The following EPHA6 variants were observed in gnomAD, a reference collection of about 807,000 sequenced individuals.
EPHA6 encodes EPH receptor A6.
A neutral mutation model predicts 112.0 loss-of-function variants in EPHA6; 50 were observed. The ratio of observed to expected loss-of-function variants is 0.45; its 90% CI spans 0.36 to 0.56. The LOEUF is 0.56. Among genes scored for constraint, EPHA6 ranks in the 20% least tolerant of loss-of-function variants. EPHA6 has a pLI of 0.00. For missense variants in EPHA6, 1,280 were observed against 1,417.4 expected (o/e 0.90, Z 1.56); for synonymous variants, 529 against 490.7 (o/e 1.08, Z -1.03).
At chr3:96,859,982 C>T (rs1052145227) in intron 1 of EPHA6, among the ~76,000 whole-genome samples, 5 of 152,062 alleles carry the variant, frequency 3.3e-5, no homozygotes, top group Non-Finnish European at 7.4e-5. Flanking sequence ...TGAGTTGACA[C>T]AAAAATCCTA....
intron 2 of EPHA6, among the ~76,000 whole-genome samples, chr3:96,977,471 A>G (rs2042579407): frequency 6.6e-6 from 1 of 152,158 alleles, no homozygotes; most frequent in African/African-American, 2.4e-5. Context: ...CCAATATGCA[A>G]TATATTAGTG....
At chr3:97,364,265 G>A (rs1396367200) in intron 5 of EPHA6, among the ~76,000 whole-genome samples, 2 of 151,674 alleles carry the variant, frequency 1.3e-5, no homozygotes, top group East Asian at 1.9e-4. Flanking sequence ...TCTAATTTTA[G>A]CAATTATTTT....
chr3:97,735,662 A>G (rs1354013324), intron 15 of EPHA6, among the ~76,000 whole-genome samples: 1 of 152,010 alleles, frequency 6.6e-6, no homozygotes, highest in Non-Finnish European at 1.5e-5. Flanking sequence ...ATTATTTCTT[A>G]AGGTTGTAGG....
intron 3 of EPHA6, among the ~76,000 whole-genome samples, chr3:97,092,679 T>A (rs2047110103): frequency 6.6e-6 from 1 of 152,050 alleles, no homozygotes; most frequent in Non-Finnish European, 1.5e-5. Context: ...ACTTGAAGTG[T>A]GACTCCTTGA....
intron 3 of EPHA6, among the ~76,000 whole-genome samples, chr3:97,011,057 T>C (rs1042691725): frequency 2.0e-5 from 3 of 152,158 alleles, no homozygotes; most frequent in African/African-American, 7.2e-5. Context: ...AAGGTTTGGA[T>C]GCATGCCACC....
At chr3:97,324,496 TTCTTTCATCTCTTTC>T (rs1404172146) in intron 5 of EPHA6, among the ~76,000 whole-genome samples, 83 of 137,922 alleles carry the variant, frequency 6.0e-4, no homozygotes, top group Non-Finnish European at 1.1e-3. Flanking sequence ...TTCTCTTTCT[TTCTTTCATCTCTTTC>T]TCTTTCTTTC....
intron 16 of EPHA6, among the ~76,000 whole-genome samples, chr3:97,736,476 T>A (rs1220524369): frequency 6.7e-6 from 1 of 149,284 alleles, no homozygotes; most frequent in African/African-American, 2.5e-5. Context: ...AGAGAGTGTG[T>A]GTGTGTGTGT....
chr3:97,499,564 G>T (rs1217362132), intron 10 of EPHA6, among the ~76,000 whole-genome samples: 1 of 152,114 alleles, frequency 6.6e-6, no homozygotes, highest in Admixed American at 6.6e-5. Context: ...AAACCTAGAT[G>T]GCAGCATCTA....
rs544654394 is a variant in EPHA6, at chr3:97,484,952, A to G, written c.2200+893A>G. Among the ~76,000 whole-genome samples, 156 of 152,374 alleles carry G rather than the reference A, an allele frequency of 1.0e-3. 2 individuals carry two copies. The highest frequency in any genetic ancestry group is 3.5e-3 in the African/African-American group (147 of 41,598). On this transcript the variant is annotated intron_variant, in intron 10 of 17. Coordinates refer to ENST00000389672, the MANE Select transcript of EPHA6 (RefSeq NM_001080448.3). ...TCTCAATGGTCCAAATAACAATAACATGGACATACTTAATTGCTAGAGAGT... is the reference window on the plus strand; with the variant it reads ...TCTCAATGGTCCAAATAACAATAACGTGGACATACTTAATTGCTAGAGAGT...
intron 5 of EPHA6, among the ~76,000 whole-genome samples, chr3:97,361,267 G>T (rs1003079310): frequency 2.0e-5 from 3 of 152,088 alleles, no homozygotes; most frequent in Non-Finnish European, 4.4e-5. Context: ...CACCTGCTAG[G>T]CTCTAATAGC....
At position 97,756,094 on chromosome 3, in the gene EPHA6, G is replaced by T; in HGVS notation, c.*7393G>T. ...AGCCATAATATAATTCTTCATATTA[G>T]TTTATTTTTCAAAGTAGTAACTTTT... On this transcript the variant is annotated 3_prime_UTR_variant, in exon 18 of 18. Transcript: ENST00000389672. Among the ~76,000 whole-genome samples, 1 of 151,864 alleles carries T rather than the reference G, an allele frequency of 6.6e-6. No individual in the cohort carries two copies. Among genetic ancestry groups the T allele is most frequent in the Admixed American group, 6.6e-5 (1 of 15,264 alleles).
At chr3:96,818,727 A>G (rs1033463581) in intron 1 of EPHA6, among the ~76,000 whole-genome samples, 2 of 151,968 alleles carry the variant, frequency 1.3e-5, no homozygotes, top group Admixed American at 6.6e-5. Flanking sequence ...ATTTTTCAAA[A>G]GTAAACATTA....
intron 15 of EPHA6, among the ~76,000 whole-genome samples, chr3:97,723,906 G>A (rs141647120): frequency 2.0e-5 from 3 of 152,246 alleles, no homozygotes; most frequent in African/African-American, 7.2e-5. Context: ...AGCAGAAATA[G>A]CTTAATCAAA....
At chr3:96,925,893 A>G (rs1164037134) in intron 2 of EPHA6, among the ~76,000 whole-genome samples, 1 of 152,138 alleles carries the variant, frequency 6.6e-6, no homozygotes, top group Admixed American at 6.5e-5. Context: ...GGTGTGAGCC[A>G]TCGTGCCCAG....
chr3:97,720,555 G>A, intron 15 of EPHA6, 145 bp downstream of exon 15: 2 of 642,484 alleles, frequency 3.1e-6, no homozygotes, highest in Non-Finnish European at 4.8e-6. Flanking sequence ...GAGAAGCTGA[G>A]TAACCTTTCA....
chr3:97,428,943 TC>T lies in EPHA6; in HGVS notation c.1732-19624del, dbSNP rs199758868. Among the ~76,000 whole-genome samples the T allele has an allele frequency of 8.2e-3, 1,249 of 152,294 alleles. 20 individuals are homozygous for T. The highest frequency in any genetic ancestry group is 0.028 in the African/African-American group (1,165 of 41,568). Reference sequence around the variant, plus strand: ...CTTTAACTCTCTCTTCTCACAGGCATCGGGCCTGTATTATGGTCTGAAAGAG... The same window carrying T: ...CTTTAACTCTCTCTTCTCACAGGCATGGGCCTGTATTATGGTCTGAAAGAG... On this transcript the variant is annotated intron_variant, in intron 6 of 17. Transcript: ENST00000389672.
At chr3:96,821,188 C>A (rs2033224664) in intron 1 of EPHA6, among the ~76,000 whole-genome samples, 1 of 151,780 alleles carries the variant, frequency 6.6e-6, no homozygotes, top group Non-Finnish European at 1.5e-5. Context: ...TATGACCAGT[C>A]AATTACTGAT....
Position 96,874,243 on chromosome 3 carries a change from C to T in EPHA6, c.450+7354C>T, listed in dbSNP as rs2036813840. Among the ~76,000 whole-genome samples, 4 of 152,150 alleles carry T rather than the reference C, an allele frequency of 2.6e-5. No homozygotes were observed. The South Asian group carries it at 8.3e-4, about 32-fold the overall frequency. On this transcript the variant is annotated intron_variant, in intron 2 of 17. Coordinates refer to ENST00000389672, the MANE Select transcript of EPHA6 (RefSeq NM_001080448.3). The stretch of plus-strand genomic sequence containing the variant: ...GAAAAGTACTGTAAAGATTAATTTT[C>T]CTTTGAAGCTTAATAATCAAACTAA...
intron 7 of EPHA6, among the ~76,000 whole-genome samples, chr3:97,451,052 C>T (rs180707056): frequency 4.3e-4 from 66 of 151,872 alleles, no homozygotes; most frequent in Non-Finnish European, 6.5e-4. Context: ...AAATTTAAAG[C>T]GCAAATAACT....
Sources: gnomAD v4.1 joint callset for allele counts (sites outside exome capture counted in the v4.1 genomes callset) on GRCh38, gnomAD v4.1.1 for gene constraint, MANE v1.5 for transcripts, NCBI Gene and HGNC (gene_info 2026-07-23, HGNC 2026-07-21) for gene names.